Variants in LPIN2 observed in about 807,000 individuals in gnomAD.
LPIN2 encodes lipin 2.
In LPIN2, 55 loss-of-function variants were observed where a neutral mutation model predicts 111.4. The observed-to-expected ratio is 0.49, with a 90% CI of 0.40 to 0.62. The LOEUF (loss-of-function observed/expected upper bound fraction) is 0.62, where lower values mean the gene tolerates loss of function less well. Ranked by LOEUF, LPIN2 falls within the 20% of genes least tolerant of loss-of-function variation. LPIN2 has a pLI of 0.00. For missense variants in LPIN2, 992 were observed against 1,112.1 expected (o/e 0.89, Z 1.54); for synonymous variants, 425 against 414.0 (o/e 1.03, Z -0.32).
At chr18:2,940,500 C>A in intron 5 of LPIN2, 105 bp downstream of exon 5, 1 of 700,580 alleles carries the variant, frequency 1.4e-6, no homozygotes, top group Non-Finnish European at 2.6e-6. Flanking sequence ...AGTTCCTTGG[C>A]TGTGTGAGAG....
intron 14 of LPIN2, among the ~76,000 whole-genome samples, 167 bp from the exon 15 acceptor site, chr18:2,924,713 G>A (rs1257103368): frequency 6.6e-6 from 1 of 152,114 alleles, no homozygotes; most frequent in Admixed American, 6.5e-5. Flanking sequence ...CAATGCTGAG[G>A]GAGCCACTGC....
At chr18:2,967,610 G>C (rs2077828468) in intron 1 of LPIN2, 1 of 152,232 alleles carries the variant, frequency 6.6e-6, no homozygotes, top group Non-Finnish European at 1.5e-5. Flanking sequence ...AAGAACGAAA[G>C]GAGGTTACAA....
rs2077355188 is a variant in LPIN2 at position 2,940,594 on chromosome 18, A to G, written c.698+11T>C. Reference sequence around the variant, plus strand: ...TCTTTCAAGAAACCAAGAAATTTCAAAGATACTTACGTCTCTAAAGGGGAC... The same window carrying G: ...TCTTTCAAGAAACCAAGAAATTTCAGAGATACTTACGTCTCTAAAGGGGAC... On this transcript the variant is annotated intron_variant, in intron 5 of 19. Transcript: ENST00000677752. 3 of 1,547,614 alleles carry G rather than the reference A, an allele frequency of 1.9e-6. 1 individual carries two copies. Among genetic ancestry groups the G allele is most frequent in the Non-Finnish European group, 2.7e-6 (3 of 1,121,184 alleles).
chr18:2,920,513 A>G (rs756993258), intron 19 of LPIN2, 76 bp from the exon 20 acceptor site: 11 of 1,530,358 alleles, frequency 7.2e-6, no homozygotes, highest in Middle Eastern at 3.4e-4. Context: ...GGGGCTGTGA[A>G]GCTGTCACTC....
intron 18 of LPIN2, chr18:2,921,146 C>T (rs1166365179): frequency 1.8e-6 from 1 of 566,404 alleles, no homozygotes. Flanking sequence ...ATCTTCTGCA[C>T]ACCTGAGGCC....
intron 1 of LPIN2, among the ~76,000 whole-genome samples, chr18:3,005,961 T>C (rs2078509273): frequency 6.6e-6 from 1 of 152,176 alleles, no homozygotes; most frequent in Non-Finnish European, 1.5e-5. Flanking sequence ...TCAGAGTCCT[T>C]GGGCAGTGGG....
intron 1 of LPIN2, among the ~76,000 whole-genome samples, chr18:2,962,242 T>C (rs754249545): frequency 6.6e-6 from 1 of 152,200 alleles, no homozygotes; most frequent in Non-Finnish European, 1.5e-5. Context: ...AATTTTACCC[T>C]GGAAGAAATT....
intron 1 of LPIN2, among the ~76,000 whole-genome samples, chr18:2,968,769 C>T (rs985952982): frequency 6.6e-6 from 1 of 152,148 alleles, no homozygotes; most frequent in African/African-American, 2.4e-5. Context: ...AGGCCTTTGA[C>T]CCTGTGCAAG....
At chr18:2,940,567 C>T in intron 5 of LPIN2, 38 bp downstream of exon 5, 1 of 1,238,500 alleles carries the variant, frequency 8.1e-7, no homozygotes, top group South Asian at 1.2e-5. Flanking sequence ...ACATCTCCTT[C>T]CTCTTTCAAG....
intron 4 of LPIN2, 50 bp downstream of exon 4, chr18:2,951,005 C>A: frequency 6.2e-7 from 1 of 1,607,814 alleles, no homozygotes; most frequent in Non-Finnish European, 8.5e-7. Flanking sequence ...CCTGGCTTCA[C>A]ATGAACTCTA....
intron 1 of LPIN2, among the ~76,000 whole-genome samples, chr18:2,992,815 C>CTACTAAAAA (rs1287834238): frequency 3.3e-5 from 5 of 151,844 alleles, no homozygotes; most frequent in African/African-American, 9.7e-5. Context: ...AACCATGTCT[C>CTACTAAAAA]TACTAAAAAT....
rs747097533 is a variant in LPIN2, at chr18:2,921,575, C to G, written c.2400G>C (p.Pro800=). The G allele has an allele frequency of 1.9e-6, 3 of 1,614,036 alleles. No individual in the cohort carries two copies. Among genetic ancestry groups the G allele is most frequent in the Non-Finnish European group, 2.5e-6 (3 of 1,180,036 alleles). ...CLNDIKNLFA[P]SKQPFYAAFG... Reference sequence around the variant, plus strand: ...AGGCAGCATAGAAGGGCTGCTTAGACGGGGCAAACAGATTCTTGATATCAT... The same window carrying G: ...AGGCAGCATAGAAGGGCTGCTTAGAGGGGGCAAACAGATTCTTGATATCAT... The change falls in exon 18 of 20, where the codon CCG becomes CCC. Residue 800 remains proline (P), a synonymous_variant. Transcript: ENST00000677752.
chr18:2,973,580 T>C (rs768661944), intron 1 of LPIN2, among the ~76,000 whole-genome samples: 1 of 152,258 alleles, frequency 6.6e-6, no homozygotes, highest in Non-Finnish European at 1.5e-5. Context: ...ATCCATTCAC[T>C]AGCTAGAAGA....
intron 1 of LPIN2, among the ~76,000 whole-genome samples, chr18:2,987,995 AGAGT>A (rs1246820636): frequency 7.2e-6 from 1 of 138,662 alleles, no homozygotes; most frequent in Non-Finnish European, 1.5e-5. Context: ...CCTGGGCGAC[AGAGT>A]GAGAGACTGT....
chr18:3,007,491 A>T (rs1420393239), intron 1 of LPIN2, among the ~76,000 whole-genome samples: 3 of 152,232 alleles, frequency 2.0e-5, no homozygotes, highest in Non-Finnish European at 2.9e-5. Flanking sequence ...TATTAATTTT[A>T]AAAAATACTG....
intron 4 of LPIN2, among the ~76,000 whole-genome samples, chr18:2,949,523 A>G (rs1426878676): frequency 6.6e-6 from 1 of 152,246 alleles, no homozygotes; most frequent in Non-Finnish European, 1.5e-5. Flanking sequence ...AACTGAAATC[A>G]AAGTGTTACA....
Position 2,934,440 on chromosome 18 carries a change from T to A in LPIN2, c.1179A>T (p.Lys393Asn). ...CATCAGGTCCCTGGTGTTGGCTTCT[T>A]TTGTGAACACCTGTTTAAAAAAAAA... ...DSPSKKKGVHKRSQHQGPDDI... is the reference protein window; with the variant it reads ...DSPSKKKGVHNRSQHQGPDDI... Residue 393 changes from lysine to asparagine, a missense_variant, in exon 8 of 20, where the codon AAA becomes AAT. Coordinates refer to ENST00000677752, the MANE Select transcript of LPIN2 (RefSeq NM_001375808.2). 6.2e-7 allele frequency: 1 copy of A among 1,610,804 alleles called. No homozygotes were observed. The highest frequency in any genetic ancestry group is 8.5e-7 in the Non-Finnish European group (1 of 1,177,150).
At chr18:2,933,515 G>A (rs2077242648) in intron 8 of LPIN2, among the ~76,000 whole-genome samples, 1 of 152,178 alleles carries the variant, frequency 6.6e-6, no homozygotes, top group South Asian at 2.1e-4. Flanking sequence ...TTAGGACAGA[G>A]CTAGAAAGGA....
At chr18:2,970,792 C>G (rs1255837372) in intron 1 of LPIN2, among the ~76,000 whole-genome samples, 1 of 152,132 alleles carries the variant, frequency 6.6e-6, no homozygotes, top group East Asian at 1.9e-4. Context: ...TGGCCTTAAG[C>G]TTAGTTCTCA....
Sources: allele counts gnomAD v4.1 joint callset (sites outside exome capture counted in the v4.1 genomes callset), GRCh38; gene constraint gnomAD v4.1.1; transcripts MANE v1.5; gene names NCBI Gene and HGNC (gene_info 2026-07-23, HGNC 2026-07-21).